TLE1: variants seen among roughly 807,000 people sequenced by gnomAD.
TLE1 encodes TLE family member 1, transcriptional corepressor, also known as transducin-like enhancer protein 1.
A neutral mutation model predicts 89.8 loss-of-function variants in TLE1; 21 were observed. The ratio of observed to expected loss-of-function variants is 0.23; its 90% CI spans 0.17 to 0.34. The LOEUF (loss-of-function observed/expected upper bound fraction) is 0.34. TLE1 is among the 10% of genes least tolerant of loss of function. The pLI, the probability that TLE1 is intolerant of heterozygous loss-of-function variation, is 1.00. For synonymous variants in TLE1, 447 were observed against 407.6 expected (o/e 1.10, Z -1.16); for missense variants, 795 against 1,031.2 (o/e 0.77, Z 3.14).
chr9:81,596,478 A>G (rs1469148464), intron 14 of TLE1, among the ~76,000 whole-genome samples: 1 of 152,166 alleles, frequency 6.6e-6, no homozygotes, highest in African/African-American at 2.4e-5. Flanking sequence ...ACCTACAATA[A>G]TAACAGAGCT....
At chr9:81,628,521 T>C (rs534051394) in intron 8 of TLE1, among the ~76,000 whole-genome samples, 92 of 152,342 alleles carry the variant, frequency 6.0e-4, no homozygotes, top group Non-Finnish European at 9.3e-4. Context: ...AATGTTGTCA[T>C]TTTGAGACAA....
chr9:81,612,136 C>T (rs62576161), intron 12 of TLE1, among the ~76,000 whole-genome samples, 177 bp from the exon 13 acceptor site: 32,959 of 152,026 alleles, frequency 0.22, 4,256 homozygotes, highest in South Asian at 0.28. Context: ...TTCCCCAGAG[C>T]GAATGCATCT....
intron 4 of TLE1, among the ~76,000 whole-genome samples, chr9:81,681,349 G>A (rs760158012): frequency 7.9e-5 from 12 of 151,982 alleles, no homozygotes; most frequent in Admixed American, 7.2e-4. Context: ...TCAGGAGTTC[G>A]AGACCAGCCT....
chr9:81,642,472 A>G (rs1030178556), intron 6 of TLE1, among the ~76,000 whole-genome samples: 1 of 151,830 alleles, frequency 6.6e-6, no homozygotes, highest in African/African-American at 2.4e-5. Context: ...AAGGTGGATC[A>G]CCTGAGGTCA....
intron 6 of TLE1, among the ~76,000 whole-genome samples, chr9:81,643,536 C>CTTTGT (rs907818072): frequency 6.6e-6 from 1 of 151,630 alleles, no homozygotes; most frequent in Non-Finnish European, 1.5e-5. Context: ...GCACCCAGCC[C>CTTTGT]TTTGTTTTGT....
chr9:81,623,350 A>G lies in TLE1; in HGVS notation c.595-2793T>C, dbSNP rs112851600. Among the ~76,000 whole-genome samples, 375 of 152,292 alleles carry G rather than the reference A, an allele frequency of 2.5e-3. 2 individuals are homozygous for G. The highest frequency in any genetic ancestry group is 8.2e-3 in the African/African-American group (340 of 41,560). On this transcript the variant is annotated intron_variant, in intron 8 of 19. Coordinates refer to ENST00000376499, the MANE Select transcript of TLE1 (RefSeq NM_005077.5). ...CAGAGACTAAACCTGGGTATTGACT[A>G]AATTGTCATTTTGATCCTCCAAAAT... is the stretch of plus-strand genomic sequence containing the variant.
intron 14 of TLE1, among the ~76,000 whole-genome samples, chr9:81,607,723 C>T (rs997956304): frequency 6.6e-6 from 1 of 152,070 alleles, no homozygotes; most frequent in Non-Finnish European, 1.5e-5. Flanking sequence ...CAAGGACCTC[C>T]CAGGCTGGAA....
intron 14 of TLE1, among the ~76,000 whole-genome samples, chr9:81,598,557 C>A (rs867038131): frequency 2.5e-4 from 38 of 152,160 alleles, no homozygotes; most frequent in African/African-American, 8.5e-4. Flanking sequence ...CACAAGCTGT[C>A]TACTGTTACC....
Position 81,634,187 on chromosome 9 carries a change from C to T in TLE1, c.487G>A (p.Gly163Ser), listed in dbSNP as rs143365960. The change falls in exon 7 of 20, where the codon GGC becomes AGC. Residue 163 changes from glycine to serine, a missense_variant. Gly to Ser is a moderately conservative substitution (Grantham distance 56). Coordinates refer to ENST00000376499, the MANE Select transcript of TLE1 (RefSeq NM_005077.5). Reference sequence around the variant, plus strand: ...AGAGCACTAGACAGCGCAAGAAGGCCGGCACTGCCCCCGAGGGGCGGGATT... The same window carrying T: ...AGAGCACTAGACAGCGCAAGAAGGCTGGCACTGCCCCCGAGGGGCGGGATT... ...PGIPPLGGSA[G>S]LLALSSALSG... The T allele has an allele frequency of 4.4e-4, 708 of 1,593,560 alleles. 1 individual carries two copies. Among genetic ancestry groups the T allele is most frequent in the Non-Finnish European group, 5.6e-4 (655 of 1,168,488 alleles).
chr9:81,648,345 A>G (rs1588115177), intron 6 of TLE1, among the ~76,000 whole-genome samples: 2 of 152,176 alleles, frequency 1.3e-5, no homozygotes, highest in South Asian at 4.2e-4. Flanking sequence ...AAAAAAGCAA[A>G]TATCTTTCTT....
chr9:81,647,220 T>C (rs535874220), intron 6 of TLE1, among the ~76,000 whole-genome samples: 1 of 152,200 alleles, frequency 6.6e-6, no homozygotes, highest in East Asian at 1.9e-4. Flanking sequence ...CATCTGACGA[T>C]GTCTTCTAAC....
At chr9:81,682,536 C>A (rs1013573294) in intron 4 of TLE1, among the ~76,000 whole-genome samples, 1 of 152,126 alleles carries the variant, frequency 6.6e-6, no homozygotes, top group Non-Finnish European at 1.5e-5. Flanking sequence ...CATGAGTGGG[C>A]TAAAATAAGG....
chr9:81,660,499 T>C (rs1341559836), intron 4 of TLE1, among the ~76,000 whole-genome samples: 3 of 152,064 alleles, frequency 2.0e-5, no homozygotes, highest in East Asian at 2.0e-4. Context: ...CTGCAAGCTA[T>C]GCCTCCTGGG....
intron 18 of TLE1, 118 bp downstream of exon 18, chr9:81,585,387 T>C (rs898281126): frequency 4.7e-6 from 6 of 1,272,094 alleles, no homozygotes; most frequent in African/African-American, 1.5e-5. Context: ...AATAGAATTA[T>C]TGCATCCAGC....
At chr9:81,685,599 T>C (rs934124580) in intron 4 of TLE1, 77 bp downstream of exon 4, 1 of 1,480,996 alleles carries the variant, frequency 6.8e-7, no homozygotes, top group African/African-American at 1.4e-5. Context: ...TAGAGCCCAC[T>C]ACTGAGAACA....
In TLE1 at chr9:81,689,412, G is replaced by T; in HGVS notation, c.-1172C>A. On this transcript the variant is annotated 5_prime_UTR_variant, in exon 1 of 20. Transcript: ENST00000376499. ...GGTGGCGCGGGTCCCGCCCGGCCGT[G>T]CGAGGGTGGGGTGGCGCAGTCGGCT... 6.5e-6 allele frequency: 1 copy of T among 152,876 alleles called. No individual in the cohort carries two copies. Among genetic ancestry groups the T allele is most frequent in the Non-Finnish European group, 1.5e-5 (1 of 68,244 alleles). The allele number at this position is 152,876 out of a possible 1,614,324, so 9.5% of individuals were successfully genotyped here. A position where few individuals can be genotyped will look rare whatever the true frequency, so the allele number is the denominator to read the frequency against.
chr9:81,622,877 G>A (rs1277142204), intron 8 of TLE1, among the ~76,000 whole-genome samples: 1 of 152,096 alleles, frequency 6.6e-6, no homozygotes, highest in Admixed American at 6.5e-5. Context: ...CAGACCCAGG[G>A]ATCCCTGGCC....
chr9:81,629,402 G>A (rs1468582893), intron 8 of TLE1, among the ~76,000 whole-genome samples: 1 of 152,084 alleles, frequency 6.6e-6, no homozygotes, highest in Non-Finnish European at 1.5e-5. Context: ...CTCAAGAGCT[G>A]CACTTATATA....
At chr9:81,607,600 A>C in intron 14 of TLE1, among the ~76,000 whole-genome samples, 1 of 152,192 alleles carries the variant, frequency 6.6e-6, no homozygotes, top group East Asian at 1.9e-4. Context: ...TACTGGTATT[A>C]CTGCTTCTCA....
Sources: allele counts gnomAD v4.1 joint callset (sites outside exome capture counted in the v4.1 genomes callset), GRCh38; gene constraint gnomAD v4.1.1; transcripts MANE v1.5; gene names NCBI Gene and HGNC (gene_info 2026-07-23, HGNC 2026-07-21).